The following AGAP2 variants were observed in gnomAD, a reference collection of about 807,000 sequenced individuals.
The protein encoded by AGAP2 is ArfGAP with GTPase domain, ankyrin repeat and PH domain 2.
Under a neutral mutation model 110.9 loss-of-function variants are expected in AGAP2, and 32 were observed. The ratio of observed to expected loss-of-function variants is 0.29; its 90% CI spans 0.22 to 0.39. The LOEUF is 0.39. AGAP2 is among the 10% of genes least tolerant of loss of function. AGAP2 has a pLI of 1.00. For missense variants in AGAP2, 1,285 were observed against 1,638.5 expected, an observed-to-expected ratio of 0.78 and a Z score of 3.72; for synonymous variants, 702 against 713.0, an observed-to-expected ratio of 0.98 and a Z score of 0.25.
rs1954795257 is a variant in AGAP2, at chr12:57,727,581, G to A, written c.2859C>T (p.Asn953=). The A allele has an allele frequency of 6.2e-7, 1 of 1,603,086 alleles. No individual in the cohort carries two copies. The highest frequency in any genetic ancestry group is 8.5e-7 in the Non-Finnish European group (1 of 1,176,922). The part of the protein sequence containing the change: ...NSICVDCGAP[N]PTWASLNLGA... ...CCAGGTTCAAGCTGGCCCACGTGGG[G>A]TCTGCGGAAGGAGCGTAGAGGTCGG... Residue 953 remains asparagine, a splice_region_variant and synonymous_variant, in exon 17 of 19, where the codon AAC becomes AAT. Coordinates refer to ENST00000547588, the MANE Select transcript of AGAP2 (RefSeq NM_001122772.3).
Position 57,726,819 on chromosome 12 carries a change from AC to A in AGAP2, c.3337-26del, listed in dbSNP as rs1162421062. ...ACTAGAGGGCGGAAACGGCCGCGTG[AC>A]CGCGCGTCCCCAGGGCGCCCACACC... On this transcript the variant is annotated intron_variant, in intron 18 of 18. Coordinates refer to ENST00000547588, the MANE Select transcript of AGAP2 (RefSeq NM_001122772.3). The surrounding 1 kb of genome is among the most constrained non-coding windows in gnomAD (Gnocchi z 5.7). The A allele has an allele frequency of 1.4e-6, 2 of 1,428,988 alleles. No homozygotes were observed. The highest frequency in any genetic ancestry group is 1.8e-6 in the Non-Finnish European group (2 of 1,096,408). 88.5% of individuals were successfully genotyped at this position (1,428,988 alleles called of 1,614,324 possible).
chr12:57,739,320 C>G (rs891754015), upstream of AGAP2, among the ~76,000 whole-genome samples: 1 of 152,128 alleles, frequency 6.6e-6, no homozygotes, highest in East Asian at 1.9e-4. Flanking sequence ...GATCTCTTGT[C>G]TCCCCCAGGT....
At chr12:57,730,277 T>C in intron 12 of AGAP2, 1 of 657,232 alleles carries the variant, frequency 1.5e-6, no homozygotes, top group Non-Finnish European at 2.5e-6. Context: ...AACTTGCCCA[T>C]GTGGCAAGCC....
At chr12:57,728,220 G>A in intron 14 of AGAP2, 98 bp downstream of exon 14, 4 of 1,520,882 alleles carry the variant, frequency 2.6e-6, no homozygotes, top group Non-Finnish European at 3.6e-6. Flanking sequence ...CAGAGGGTGG[G>A]GGGCAGCAGG....
chr12:57,731,600 G>A lies in AGAP2; in HGVS notation c.1996C>T (p.Arg666Trp), dbSNP rs774880064. The A allele has an allele frequency of 3.1e-6, 5 of 1,613,928 alleles. No individual in the cohort carries two copies. The highest frequency in any genetic ancestry group is 1.7e-5 in the Admixed American group (1 of 60,004). Residue 666 changes from arginine to tryptophan, a missense_variant, in exon 9 of 19, where the codon CGG (arginine) becomes TGG (tryptophan). Arg to Trp is a moderately radical substitution (Grantham distance 101, BLOSUM62 -3). Transcript: ENST00000547588. ...CGCCCACTCCCTGTTGTCTCTCCCC[G>A]ACTATCCAAGCTTCGTTTCTCGGAG... Reference protein sequence around the residue: ...SDSEKRSLDSRGETTGSGRAI... With the variant: ...SDSEKRSLDSWGETTGSGRAI...
At chr12:57,730,328 C>CT in intron 12 of AGAP2, 167 bp downstream of exon 12, 1 of 1,039,796 alleles carries the variant, frequency 9.6e-7, no homozygotes, top group East Asian at 2.5e-5. Context: ...GTCCACTTGT[C>CT]TTAACCATTA....
At chr12:57,729,313 G>A (rs1954838734) in intron 13 of AGAP2, among the ~76,000 whole-genome samples, 1 of 152,012 alleles carries the variant, frequency 6.6e-6, no homozygotes, top group Non-Finnish European at 1.5e-5. Context: ...GGGGATCAGC[G>A]GGGCTGCCGG....
chr12:57,734,101 G>A lies in AGAP2; in HGVS notation c.1474C>T (p.Arg492Cys), dbSNP rs1312087058. 11 of 1,613,624 alleles carry A rather than the reference G, an allele frequency of 6.8e-6. No individual in the cohort carries two copies. In the East Asian group the frequency reaches 1.1e-4, roughly 16 times the overall value. Reference sequence around the variant, plus strand: ...AGGGAACTCAGCTGCCCATGGAGACGGCTCACAGCCTGGAAACTGTTCTCA... The same window carrying A: ...AGGGAACTCAGCTGCCCATGGAGACAGCTCACAGCCTGGAAACTGTTCTCA... ...EDENSFQAVS[R>C]LHGQLSSLRG... Residue 492 changes from arginine to cysteine, a missense_variant, in exon 5 of 19, where the codon CGT (arginine) becomes TGT (cysteine). Transcript: ENST00000547588.
intron 13 of AGAP2, 72 bp from the exon 14 acceptor site, chr12:57,728,449 G>T: frequency 6.6e-7 from 1 of 1,511,838 alleles, no homozygotes; most frequent in South Asian, 1.1e-5. Context: ...CAAGAAAGAA[G>T]GAGAAAAAGA....
rs1437622399 is a variant in AGAP2, at chr12:57,725,288, C to A, written c.*1264G>T. 7 of 151,680 alleles carry A rather than the reference C, an allele frequency of 4.6e-5. No homozygotes were observed. The allele number at this position is 151,680 out of a possible 1,614,324, so 9.4% of individuals were successfully genotyped here. On this transcript the variant is annotated 3_prime_UTR_variant, in exon 19 of 19. Coordinates refer to ENST00000547588, the MANE Select transcript of AGAP2 (RefSeq NM_001122772.3). ...GGGGGGCATTTCCCCCTTGCCCCCA[C>A]CTCTCTCCCCTCCCCAATTACCTGG...
In AGAP2 at chr12:57,734,070, C is replaced by T. The variant is rs1434407899; in HGVS notation, c.1505G>A (p.Gly502Glu). ...RLHGQLSSLR[G>E]EGRGGLALAL... ...CAAGGCCAGGCCTCCTCGTCCCTCC[C>T]CGCGAAGGGAACTCAGCTGCCCATG... The change falls in exon 5 of 19, where the codon GGG becomes GAG. Residue 502 changes from glycine (G) to glutamate (E), a missense_variant. By Grantham distance (98) the Gly-to-Glu change is moderately conservative. This residue lies in a region of AGAP2 where 844 missense variants were observed against 941.2 expected (regional missense o/e 0.90). Coordinates refer to ENST00000547588, the MANE Select transcript of AGAP2 (RefSeq NM_001122772.3). 6.2e-7 allele frequency: 1 copy of T among 1,612,478 alleles called. No homozygotes were observed. The highest frequency in any genetic ancestry group is 1.7e-5 in the Admixed American group (1 of 59,692).
In AGAP2 at chr12:57,726,563, C is replaced by A; in HGVS notation, c.3568G>T (p.Ala1190Ser). 8.3e-7 allele frequency: 1 copy of A among 1,211,940 alleles called. No homozygotes were observed. Among genetic ancestry groups the A allele is most frequent in the Non-Finnish European group, 1.0e-6 (1 of 974,050 alleles). 75.1% of individuals were successfully genotyped at this position (1,211,940 alleles called of 1,614,324 possible). Residue 1190 changes from alanine (A) to serine (S), a missense_variant, in exon 19 of 19, where the codon GCG becomes TCG. Around this residue, in one of 7 missense-constraint regions of AGAP2, gnomAD observed 201 missense variants for 276.1 expected, o/e 0.73. Coordinates refer to ENST00000547588, the MANE Select transcript of AGAP2 (RefSeq NM_001122772.3). This position sits in a 1 kb window ranked among gnomAD's most constrained non-coding sequence, Gnocchi z 5.7. ...CTCCCGCTGGGCAACTATACCAGCG[C>A]AACCGGGGCGTCGGCGCGGCCCACG... is the stretch of plus-strand genomic sequence containing the variant. Reference protein sequence around the residue: ...ASVGRADAPVALV With the variant: ...ASVGRADAPVSLV
At chr12:57,735,520 C>CT in intron 1 of AGAP2, 93 bp from the exon 2 acceptor site, 2 of 936,558 alleles carry the variant, frequency 2.1e-6, no homozygotes. Flanking sequence ...AGCTTTCCAA[C>CT]CCCCCCCCAA....
At chr12:57,732,627 T>G (rs1419909673) in intron 6 of AGAP2, 115 bp from the exon 7 acceptor site, 1 of 1,288,410 alleles carries the variant, frequency 7.8e-7, no homozygotes, top group African/African-American at 1.5e-5. Context: ...TCCTTGTCAC[T>G]GTGGCCTCCA....
chr12:57,729,410 G>A (rs1028399384), intron 13 of AGAP2, among the ~76,000 whole-genome samples: 4 of 151,864 alleles, frequency 2.6e-5, no homozygotes, highest in Non-Finnish European at 2.9e-5. Context: ...CTATAGACAT[G>A]GACATCGTTG....
chr12:57,742,003 C>A (rs777101451), upstream of AGAP2: 14 of 1,614,062 alleles, frequency 8.7e-6, no homozygotes, highest in Middle Eastern at 1.6e-4. Context: ...TTAGAGCCTG[C>A]TTGGCCACCT....
In AGAP2 at chr12:57,727,353, C is replaced by A; in HGVS notation, c.3080+7G>T. The A allele has an allele frequency of 6.2e-7, 1 of 1,608,210 alleles. No homozygotes were observed. The highest frequency in any genetic ancestry group is 1.1e-5 in the South Asian group (1 of 90,584). Reference sequence around the variant, plus strand: ...ACCCTCCCCCCGCTCTGTTCCCTCACGCTTACCGCGAAGAGTCCCGCGAGG... The same window carrying A: ...ACCCTCCCCCCGCTCTGTTCCCTCAAGCTTACCGCGAAGAGTCCCGCGAGG... On this transcript the variant is annotated splice_region_variant and intron_variant, in intron 17 of 18. Coordinates refer to ENST00000547588, the MANE Select transcript of AGAP2 (RefSeq NM_001122772.3).
upstream of AGAP2, chr12:57,742,052 A>G: frequency 6.2e-7 from 1 of 1,614,118 alleles, no homozygotes; most frequent in Non-Finnish European, 8.5e-7. Flanking sequence ...AGCTACAACG[A>G]ACTGCCTCTG....
At chr12:57,742,128 C>A, upstream of AGAP2, 3 of 1,575,858 alleles carry the variant, frequency 1.9e-6, no homozygotes, top group Non-Finnish European at 1.7e-6. Context: ...AGGCCCATGG[C>A]CCTACAGCCC....
Sources: allele counts gnomAD v4.1 joint callset (sites outside exome capture counted in the v4.1 genomes callset), GRCh38; gene constraint gnomAD v4.1.1; regional missense constraint gnomAD v4.1.1; non-coding constraint Gnocchi (gnomAD v3.1); transcripts MANE v1.5; gene names NCBI Gene and HGNC (gene_info 2026-07-23, HGNC 2026-07-21).